LRRTM4: variants seen among roughly 807,000 people sequenced by gnomAD.
The protein encoded by LRRTM4 is leucine-rich repeat transmembrane neuronal protein 4.
In LRRTM4, 25 loss-of-function variants were observed where a neutral mutation model predicts 47.6. The observed-to-expected ratio is 0.53, with a 90% CI of 0.38 to 0.73. The LOEUF (loss-of-function observed/expected upper bound fraction) is 0.73. Among genes scored for constraint, LRRTM4 ranks in the 30% least tolerant of loss-of-function variants. The pLI, the probability that LRRTM4 is intolerant of heterozygous loss-of-function variation, is 0.00. For synonymous variants in LRRTM4, 311 were observed against 269.5 expected, an observed-to-expected ratio of 1.15 and a Z score of -1.51; for missense variants, 638 against 713.4, an observed-to-expected ratio of 0.89 and a Z score of 1.20.
At chr2:77,155,414 A>G (rs1451736995) in intron 3 of LRRTM4, among the ~76,000 whole-genome samples, 1 of 151,970 alleles carries the variant, frequency 6.6e-6, no homozygotes, top group Non-Finnish European at 1.5e-5. Context: ...TTCCTAATCC[A>G]GTCTGCATTT....
intron 3 of LRRTM4, among the ~76,000 whole-genome samples, chr2:77,172,803 C>T (rs1436446215): frequency 6.6e-6 from 1 of 152,146 alleles, no homozygotes; most frequent in Non-Finnish European, 1.5e-5. Context: ...CATAATCCCC[C>T]TGTGATGTAT....
intron 3 of LRRTM4, among the ~76,000 whole-genome samples, chr2:76,854,426 G>A (rs1299839097): frequency 3.3e-5 from 5 of 152,076 alleles, no homozygotes; most frequent in Non-Finnish European, 7.4e-5. Context: ...TCAATCAGAA[G>A]TAACATGCAC....
intron 3 of LRRTM4, among the ~76,000 whole-genome samples, chr2:77,005,272 G>A (rs1340930114): frequency 6.6e-6 from 1 of 152,132 alleles, no homozygotes; most frequent in Non-Finnish European, 1.5e-5. Flanking sequence ...AGCCTCCTGA[G>A]TAGCTGGGAT....
At chr2:76,841,616 A>G (rs577519463) in intron 3 of LRRTM4, among the ~76,000 whole-genome samples, 22 of 151,054 alleles carry the variant, frequency 1.5e-4, no homozygotes, top group African/African-American at 5.3e-4. Context: ...AAGACCCACA[A>G]TTCCAGTTAA....
intron 3 of LRRTM4, among the ~76,000 whole-genome samples, chr2:76,905,147 C>G (rs984307398): frequency 5.9e-5 from 9 of 152,112 alleles, no homozygotes; most frequent in African/African-American, 2.2e-4. Context: ...TCCTCTGAGA[C>G]AAAACTTCCA....
intron 3 of LRRTM4, among the ~76,000 whole-genome samples, chr2:76,838,296 TTACTC>T (rs1671576194): frequency 1.3e-5 from 2 of 152,162 alleles, no homozygotes; most frequent in Admixed American, 1.3e-4. Context: ...TTCAACTACT[TTACTC>T]TGTGAAATAT....
intron 3 of LRRTM4, among the ~76,000 whole-genome samples, chr2:77,507,233 G>A (rs1441322421): frequency 3.9e-5 from 6 of 152,010 alleles, no homozygotes; most frequent in Admixed American, 3.9e-4. Context: ...AGTATAAGTA[G>A]AGTAGAAACA....
intron 3 of LRRTM4, among the ~76,000 whole-genome samples, chr2:77,361,438 C>T (rs1439191137): frequency 6.6e-6 from 1 of 152,076 alleles, no homozygotes; most frequent in African/African-American, 2.4e-5. Flanking sequence ...CGTCTTCATT[C>T]GCTTCATCCT....
At chr2:77,192,908 T>C (rs1238492888) in intron 3 of LRRTM4, among the ~76,000 whole-genome samples, 1 of 152,200 alleles carries the variant, frequency 6.6e-6, no homozygotes, top group African/African-American at 2.4e-5. Flanking sequence ...AGAGAAGTCT[T>C]CTGATTTTCA....
chr2:77,148,779 G>A (rs899564848), intron 3 of LRRTM4, among the ~76,000 whole-genome samples: 2 of 152,124 alleles, frequency 1.3e-5, no homozygotes, highest in African/African-American at 4.8e-5. Flanking sequence ...TCCTATCAAG[G>A]ATTGTGTGTA....
At chr2:77,135,239 C>T (rs1671902816) in intron 3 of LRRTM4, among the ~76,000 whole-genome samples, 1 of 152,186 alleles carries the variant, frequency 6.6e-6, no homozygotes, top group African/African-American at 2.4e-5. Context: ...CATTAAATGA[C>T]TCCAGAGGGT....
At chr2:77,261,190 G>A (rs1450177159) in intron 3 of LRRTM4, among the ~76,000 whole-genome samples, 1 of 151,292 alleles carries the variant, frequency 6.6e-6, no homozygotes, top group African/African-American at 2.4e-5. Flanking sequence ...AAAAAAAAAA[G>A]AAATTGGATG....
intron 3 of LRRTM4, among the ~76,000 whole-genome samples, chr2:77,094,980 T>C (rs1274837629): frequency 6.6e-6 from 1 of 152,008 alleles, no homozygotes; most frequent in East Asian, 1.9e-4. Context: ...ATTAACAGGG[T>C]GAAGAGACAA....
chr2:76,799,073 A>T (rs1259879920), intron 3 of LRRTM4, among the ~76,000 whole-genome samples: 1 of 148,542 alleles, frequency 6.7e-6, no homozygotes, highest in Non-Finnish European at 1.5e-5. Flanking sequence ...TCAATAGAAA[A>T]AGAGGGAATC....
chr2:77,082,906 G>A (rs1472090140), intron 3 of LRRTM4, among the ~76,000 whole-genome samples: 6 of 152,022 alleles, frequency 3.9e-5, no homozygotes, highest in Non-Finnish European at 7.4e-5. Flanking sequence ...TACTTTAGAA[G>A]AACGACTTGT....
intron 3 of LRRTM4, among the ~76,000 whole-genome samples, chr2:77,177,153 C>G (rs1021067565): frequency 1.3e-5 from 2 of 152,258 alleles, no homozygotes; most frequent in African/African-American, 4.8e-5. Context: ...AGTAGCCACA[C>G]TTTTATTCTT....
Position 76,892,737 on chromosome 2 carries a change from G to C in LRRTM4, c.1552-143821C>G, listed in dbSNP as rs571797840. 3.3e-5 allele frequency among the ~76,000 whole-genome samples: 5 copies of C among 151,734 alleles called. No homozygotes were observed. In the South Asian group the frequency reaches 1.0e-3, roughly 31 times the overall value. On this transcript the variant is annotated intron_variant, in intron 3 of 3. Transcript: ENST00000409884. ...TTAATGTGTATTTTAAATTCAGAAA[G>C]TCACTGCAATTTTAATATTCATCAT...
At chr2:76,819,563 A>C (rs904077624) in intron 3 of LRRTM4, among the ~76,000 whole-genome samples, 1 of 151,934 alleles carries the variant, frequency 6.6e-6, no homozygotes, top group Non-Finnish European at 1.5e-5. Context: ...TTCTCACTTC[A>C]TAATATTTTT....
At chr2:76,947,286 C>G (rs10192262) in intron 3 of LRRTM4, among the ~76,000 whole-genome samples, 90,276 of 151,590 alleles carry the variant, frequency 0.6, 29,169 homozygotes, top group African/African-American at 0.85. Flanking sequence ...TCTCACTGTA[C>G]CCCTGTTATT....
Sources: gnomAD v4.1 joint callset for allele counts (sites outside exome capture counted in the v4.1 genomes callset) on GRCh38, gnomAD v4.1.1 for gene constraint, MANE v1.5 for transcripts, NCBI Gene and HGNC (gene_info 2026-07-23, HGNC 2026-07-21) for gene names.